ADAMTS2: variants seen among roughly 807,000 people sequenced by gnomAD.
ADAMTS2 encodes A disintegrin and metalloproteinase with thrombospondin motifs 2.
In ADAMTS2, 50 loss-of-function variants were observed where a neutral mutation model predicts 123.0. The ratio of observed to expected loss-of-function variants is 0.41; its 90% CI spans 0.32 to 0.51. The LOEUF is 0.51. Ranked by LOEUF, ADAMTS2 falls within the 20% of genes least tolerant of loss-of-function variation. The probability of loss-of-function intolerance (pLI) is 0.35; values close to 1 mark genes in which losing one functional copy is unlikely to be tolerated. For synonymous variants in ADAMTS2, 678 were observed against 695.4 expected (o/e 0.98, Z 0.39); for missense variants, 1,494 against 1,705.2 (o/e 0.88, Z 2.18).
At chr5:179,183,577 G>A (rs1764098607) in intron 4 of ADAMTS2, among the ~76,000 whole-genome samples, 2 of 152,210 alleles carry the variant, frequency 1.3e-5, no homozygotes, top group African/African-American at 2.4e-5. Context: ...CTGAGAGGGT[G>A]GCCCAGCTCC....
intron 13 of ADAMTS2, among the ~76,000 whole-genome samples, chr5:179,133,460 G>T (rs1763000254): frequency 6.6e-6 from 1 of 151,478 alleles, no homozygotes; most frequent in Admixed American, 6.6e-5. Flanking sequence ...TAGTACAACG[G>T]GGTTTCACCA....
chr5:179,324,848 T>C (rs1181843439), intron 2 of ADAMTS2, among the ~76,000 whole-genome samples: 1 of 152,194 alleles, frequency 6.6e-6, no homozygotes, highest in African/African-American at 2.4e-5. Flanking sequence ...CAGGAAGGTT[T>C]GCTGGAAGAG....
At position 179,197,165 on chromosome 5, in the gene ADAMTS2, G is replaced by A. The variant is rs577046663; in HGVS notation, c.891+10348C>T. Among the ~76,000 whole-genome samples the A allele has an allele frequency of 1.1e-4, 16 of 152,380 alleles. No individual in the cohort carries two copies. Among genetic ancestry groups the A allele is most frequent in the African/African-American group, 3.8e-4 (16 of 41,598 alleles). On this transcript the variant is annotated intron_variant, in intron 4 of 21. Coordinates refer to ENST00000251582, the MANE Select transcript of ADAMTS2 (RefSeq NM_014244.5). This position sits in a 1 kb window ranked among gnomAD's most constrained non-coding sequence, Gnocchi z 4.2. The stretch of plus-strand genomic sequence containing the variant: ...CGTGTTCCTGGTAGCAATAGGTTGA[G>A]CGCTGGCCTTGCTGCAGGCTGGGTA...
At position 179,229,846 on chromosome 5, in the gene ADAMTS2, A is replaced by T. The variant is rs547474983; in HGVS notation, c.689-22131T>A. The stretch of plus-strand genomic sequence containing the variant: ...AGGCGTGAAATGGCTCATTTTCACA[A>T]CTCCCCTTTCTCGGGGTTCTCCAGG... On this transcript the variant is annotated intron_variant, in intron 3 of 21. Coordinates refer to ENST00000251582, the MANE Select transcript of ADAMTS2 (RefSeq NM_014244.5). Among the ~76,000 whole-genome samples, 4 of 150,284 alleles carry T rather than the reference A, an allele frequency of 2.7e-5. No individual in the cohort carries two copies. The South Asian group carries it at 8.7e-4, about 33-fold the overall frequency.
In ADAMTS2 at chr5:179,181,436, G is replaced by T. The variant is rs553430080; in HGVS notation, c.892-281C>A. ...CCTGGGGCCTGAACATGGAACGTGG[G>T]CAGGGAAAGCAGCCCTACGCTTGCT... On this transcript the variant is annotated intron_variant, in intron 4 of 21. Transcript: ENST00000251582. This position sits in a 1 kb window ranked among gnomAD's most constrained non-coding sequence, Gnocchi z 4.1. 2.0e-5 allele frequency among the ~76,000 whole-genome samples: 3 copies of T among 152,232 alleles called. No individual in the cohort carries two copies. In the East Asian group the frequency reaches 5.8e-4, roughly 29 times the overall value.
intron 2 of ADAMTS2, among the ~76,000 whole-genome samples, chr5:179,328,380 T>A (rs1757368899): frequency 6.6e-6 from 1 of 152,248 alleles, no homozygotes; most frequent in Admixed American, 6.5e-5. Context: ...GGTTCATATT[T>A]GTGCCATTCT....
intron 2 of ADAMTS2, among the ~76,000 whole-genome samples, chr5:179,287,469 C>T (rs1183885275): frequency 6.6e-6 from 1 of 152,204 alleles, no homozygotes; most frequent in African/African-American, 2.4e-5. Flanking sequence ...ACGACTGGAG[C>T]CAGCTGAGGC....
Position 179,260,532 on chromosome 5 carries a change from G to A in ADAMTS2, c.688+12379C>T, listed in dbSNP as rs537964350. ...AACAGATGGGGTCACAGGCTACCGG[G>A]TTTTGCCAGCCCAGGCTCTGAGCGG... On this transcript the variant is annotated intron_variant, in intron 3 of 21. Transcript: ENST00000251582. The surrounding 1 kb of genome is among the most constrained non-coding windows in gnomAD (Gnocchi z 4.2). 1.3e-5 allele frequency among the ~76,000 whole-genome samples: 2 copies of A among 152,272 alleles called. No homozygotes were observed. The highest frequency in any genetic ancestry group is 4.8e-5 in the African/African-American group (2 of 41,532).
chr5:179,174,944 C>T (rs960148341), intron 5 of ADAMTS2, among the ~76,000 whole-genome samples: 3 of 147,226 alleles, frequency 2.0e-5, no homozygotes, highest in Non-Finnish European at 3.0e-5. Flanking sequence ...GAAGTCTCTT[C>T]CTTGCTTGGG....
chr5:179,254,044 C>A (rs553209960), intron 3 of ADAMTS2, among the ~76,000 whole-genome samples: 1 of 152,196 alleles, frequency 6.6e-6, no homozygotes, highest in African/African-American at 2.4e-5. Flanking sequence ...AGTGTCAACA[C>A]GGATCTCACT....
intron 5 of ADAMTS2, among the ~76,000 whole-genome samples, chr5:179,172,973 G>A (rs1040588201): frequency 9.9e-5 from 15 of 151,998 alleles, no homozygotes; most frequent in African/African-American, 3.6e-4. Flanking sequence ...GGGAGGCAGA[G>A]GCAGGAGAAT....
At chr5:179,207,809 TCATAGCACC>T in intron 3 of ADAMTS2, 94 bp from the exon 4 acceptor site, 1 of 1,099,896 alleles carries the variant, frequency 9.1e-7, no homozygotes, top group Non-Finnish European at 1.4e-6. Flanking sequence ...CATTTAAAAC[TCATAGCACC>T]CTGAACCGAG....
chr5:179,222,739 T>C (rs1281029405), intron 3 of ADAMTS2, among the ~76,000 whole-genome samples: 1 of 152,214 alleles, frequency 6.6e-6, no homozygotes, highest in Non-Finnish European at 1.5e-5. Context: ...CAGCTGCCCA[T>C]GTGCTCCTGC....
intron 2 of ADAMTS2, among the ~76,000 whole-genome samples, chr5:179,328,278 C>G (rs754162240): frequency 6.6e-6 from 1 of 152,360 alleles, no homozygotes; most frequent in South Asian, 2.1e-4. Flanking sequence ...GTGATCCACC[C>G]GCCTCGGCCT....
chr5:179,245,765 CAAAAAA>C (rs1171837041), intron 3 of ADAMTS2, among the ~76,000 whole-genome samples: 41 of 17,206 alleles, frequency 2.4e-3, no homozygotes, highest in African/African-American at 5.8e-3. Context: ...GACTCCGTCT[CAAAAAA>C]AAAAAAAAAA....
intron 3 of ADAMTS2, among the ~76,000 whole-genome samples, chr5:179,231,445 A>G (rs977245878): frequency 6.6e-6 from 1 of 152,186 alleles, no homozygotes; most frequent in Non-Finnish European, 1.5e-5. Context: ...GAAGGGACAG[A>G]AGGAAACCGT....
chr5:179,150,158 C>G (rs549534448), intron 10 of ADAMTS2, among the ~76,000 whole-genome samples: 2 of 148,636 alleles, frequency 1.3e-5, no homozygotes, highest in Admixed American at 6.8e-5. Context: ...AACCAGCATG[C>G]CTGTGCAGGG....
At position 179,272,168 on chromosome 5, in the gene ADAMTS2, T is replaced by C. The variant is rs977031610; in HGVS notation, c.688+743A>G. ...TTCACCACAATCCAGGACCAGAGAC[T>C]GGGGGATGCTGGGAGGTGTGGGCTG... On this transcript the variant is annotated intron_variant, in intron 3 of 21. Coordinates refer to ENST00000251582, the MANE Select transcript of ADAMTS2 (RefSeq NM_014244.5). This position sits in a 1 kb window ranked among gnomAD's most constrained non-coding sequence, Gnocchi z 5.8. Among the ~76,000 whole-genome samples the C allele has an allele frequency of 1.1e-4, 16 of 152,096 alleles. No individual in the cohort carries two copies. Among genetic ancestry groups the C allele is most frequent in the Non-Finnish European group, 2.1e-4 (14 of 68,012 alleles).
rs1054769105 is a variant in ADAMTS2 at position 179,312,451 on chromosome 5, G to A, written c.534+31316C>T. On this transcript the variant is annotated intron_variant, in intron 2 of 21. Transcript: ENST00000251582. This position sits in a 1 kb window ranked among gnomAD's most constrained non-coding sequence, Gnocchi z 4.2. ...TCAGCATGTGAGGATGCAACAAGAT[G>A]CCTTCTTGAACCAGGGAGCAGACCC... Among the ~76,000 whole-genome samples the A allele has an allele frequency of 5.3e-5, 8 of 152,184 alleles. No individual in the cohort carries two copies. The highest frequency in any genetic ancestry group is 1.9e-4 in the African/African-American group (8 of 41,434).
Sources: allele counts gnomAD v4.1 joint callset (sites outside exome capture counted in the v4.1 genomes callset), GRCh38; gene constraint gnomAD v4.1.1; non-coding constraint Gnocchi (gnomAD v3.1); transcripts MANE v1.5; gene names NCBI Gene and HGNC (gene_info 2026-07-23, HGNC 2026-07-21).